BIRC6: variants seen among roughly 807,000 people sequenced by gnomAD.
BIRC6 encodes baculoviral IAP repeat containing 6, also known as dual E2 ubiquitin-conjugating enzyme/E3 ubiquitin-protein ligase BIRC6.
BIRC6 carries 98 observed loss-of-function variants against 503.3 expected under a neutral mutation model. The observed-to-expected ratio is 0.19, with a 90% CI of 0.17 to 0.23. The LOEUF (loss-of-function observed/expected upper bound fraction) is 0.23, where lower values mean the gene tolerates loss of function less well. Ranked by LOEUF, BIRC6 falls within the 10% of genes least tolerant of loss-of-function variation. The pLI is 1.00. For missense variants in BIRC6, 5,360 were observed against 5,806.0 expected (o/e 0.92, Z 2.50); for synonymous variants, 2,240 against 2,078.7 (o/e 1.08, Z -2.11).
Position 32,501,813 on chromosome 2 carries a change from T to C in BIRC6, c.9132T>C (p.Ser3044=), listed in dbSNP as rs762702352. The change falls in exon 47 of 74, where the codon AGT becomes AGC. Residue 3044 remains serine (S), a synonymous_variant. Coordinates refer to ENST00000421745, the MANE Select transcript of BIRC6 (RefSeq NM_016252.4). ...TATTTACCATACTGACAACCCTTAG[T>C]AAAAAAGCTTCTACAGTCCACATGA... ...DGLFTILTTL[S]KKASTVHMML... The C allele has an allele frequency of 3.1e-6, 5 of 1,613,754 alleles. No homozygotes were observed. In the Admixed American group the frequency reaches 6.7e-5, roughly 22 times the overall value.
At chr2:32,540,625 C>G (rs956397499) in intron 61 of BIRC6, among the ~76,000 whole-genome samples, 6 of 151,722 alleles carry the variant, frequency 4.0e-5, no homozygotes, top group African/African-American at 1.2e-4. Flanking sequence ...ATATTAATAC[C>G]CTAAAACAGT....
At chr2:32,556,382 A>G (rs1291218696) in intron 65 of BIRC6, among the ~76,000 whole-genome samples, 1 of 152,150 alleles carries the variant, frequency 6.6e-6, no homozygotes, top group Non-Finnish European at 1.5e-5. Context: ...ATTCTTGACT[A>G]CCCAGCGTAG....
chr2:32,475,892 CATTT>C (rs1453975506), intron 33 of BIRC6, among the ~76,000 whole-genome samples: 6 of 151,876 alleles, frequency 4.0e-5, no homozygotes, highest in South Asian at 2.1e-4. Flanking sequence ...ATATTTTTCT[CATTT>C]ATTTAATTAA....
intron 61 of BIRC6, among the ~76,000 whole-genome samples, chr2:32,542,581 C>T (rs911468382): frequency 6.6e-6 from 1 of 152,134 alleles, no homozygotes; most frequent in African/African-American, 2.4e-5. Flanking sequence ...AGAAAGTTCT[C>T]CTTTTCTTAA....
At chr2:32,392,701 C>A (rs2039389120) in intron 5 of BIRC6, among the ~76,000 whole-genome samples, 1 of 152,138 alleles carries the variant, frequency 6.6e-6, no homozygotes, top group Non-Finnish European at 1.5e-5. Context: ...CCACTCACTT[C>A]AGTCTCAACC....
chr2:32,398,025 A>AT (rs2040165665), intron 6 of BIRC6, among the ~76,000 whole-genome samples: 2 of 152,180 alleles, frequency 1.3e-5, no homozygotes, highest in African/African-American at 4.8e-5. Context: ...AAGAGGATTG[A>AT]TGGAGGCTGG....
chr2:32,499,682 C>T lies in BIRC6; in HGVS notation c.8604C>T (p.His2868=). 4 of 1,613,890 alleles carry T rather than the reference C, an allele frequency of 2.5e-6. No individual in the cohort carries two copies. Among genetic ancestry groups the T allele is most frequent in the Non-Finnish European group, 3.4e-6 (4 of 1,179,864 alleles). ...TAGAATCGGTTACATTTTTAGTGCA[C>T]CACTATATCACTTGCTCAGACAAAG... ...AVIESVTFLV[H]HYITCSDKVM... is the part of the protein sequence containing the mutation. Residue 2868 remains histidine, a synonymous_variant, in exon 46 of 74, where the codon CAC becomes CAT. Transcript: ENST00000421745.
intron 21 of BIRC6, 26 bp downstream of exon 21, chr2:32,445,694 T>C (rs1336672412): frequency 6.9e-7 from 1 of 1,444,912 alleles, no homozygotes; most frequent in Admixed American, 2.5e-5. Context: ...TAATGACTAA[T>C]AATAGGCGTC....
At chr2:32,438,717 G>A (rs767404714) in intron 15 of BIRC6, among the ~76,000 whole-genome samples, 23 of 151,308 alleles carry the variant, frequency 1.5e-4, no homozygotes, top group Non-Finnish European at 3.1e-4. Flanking sequence ...CCGCCACCAC[G>A]CCCCACTAAT....
chr2:32,556,843 G>T (rs1232517660), intron 65 of BIRC6, among the ~76,000 whole-genome samples: 2 of 152,056 alleles, frequency 1.3e-5, no homozygotes, highest in Admixed American at 6.6e-5. Context: ...GGAGGTTGAG[G>T]CACAAGAATT....
chr2:32,421,199 C>G (rs2042925191), intron 10 of BIRC6, among the ~76,000 whole-genome samples: 1 of 151,200 alleles, frequency 6.6e-6, no homozygotes, highest in Non-Finnish European at 1.5e-5. Context: ...CTCTGCCTCC[C>G]AGGTTCAAGT....
intron 1 of BIRC6, among the ~76,000 whole-genome samples, chr2:32,365,307 T>G (rs552460125): frequency 6.7e-6 from 1 of 149,134 alleles, no homozygotes; most frequent in Admixed American, 6.9e-5. Context: ...TGACTCACCA[T>G]AAACAGTCAA....
At chr2:32,493,988 A>G (rs1234955915) in intron 45 of BIRC6, among the ~76,000 whole-genome samples, 1 of 152,198 alleles carries the variant, frequency 6.6e-6, no homozygotes. Flanking sequence ...CTCTAAAGCT[A>G]CCAGTGATTT....
intron 61 of BIRC6, among the ~76,000 whole-genome samples, chr2:32,537,823 G>T (rs576727013): frequency 6.6e-6 from 1 of 151,904 alleles, no homozygotes; most frequent in African/African-American, 2.4e-5. Flanking sequence ...AAAATTAGCC[G>T]GGCGGGGTGG....
At chr2:32,412,628 TACA>T (rs2042010567) in intron 9 of BIRC6, among the ~76,000 whole-genome samples, 1 of 152,258 alleles carries the variant, frequency 6.6e-6, no homozygotes, top group East Asian at 1.9e-4. Context: ...ATAAAGATGA[TACA>T]GTTTTGGAAC....
At chr2:32,602,936 C>A in intron 70 of BIRC6, 70 bp from the exon 71 acceptor site, 1 of 1,328,382 alleles carries the variant, frequency 7.5e-7, no homozygotes, top group Non-Finnish European at 1.0e-6. Context: ...TTTGTTTTTA[C>A]TTCTCGTTAT....
At position 32,516,695 on chromosome 2, in the gene BIRC6, TTATC is replaced by T. The variant is rs376703432; in HGVS notation, c.11349+926_11349+929del. 6.6e-5 allele frequency among the ~76,000 whole-genome samples: 10 copies of T among 152,118 alleles called. No individual in the cohort carries two copies. The East Asian group carries it at 1.7e-3, about 26-fold the overall frequency. ...TATTATGATAATCATAATTTATTAT[TTATC>T]ATAATAAATTAAATCCTGAAAGGTA... On this transcript the variant is annotated intron_variant, in intron 55 of 73. Transcript: ENST00000421745.
At chr2:32,494,530 A>C (rs1180980247) in intron 45 of BIRC6, among the ~76,000 whole-genome samples, 2 of 151,880 alleles carry the variant, frequency 1.3e-5, no homozygotes, top group Non-Finnish European at 2.9e-5. Context: ...CTGGCCGAAA[A>C]GTTTTAATGA....
chr2:32,380,354 A>C (rs550137638), intron 3 of BIRC6, 64 bp downstream of exon 3: 4 of 1,480,078 alleles, frequency 2.7e-6, no homozygotes, highest in Admixed American at 5.2e-5. Context: ...ATTCTTTTGC[A>C]CTTTCCTTTC....
Sources: gnomAD v4.1 joint callset for allele counts (sites outside exome capture counted in the v4.1 genomes callset) on GRCh38, gnomAD v4.1.1 for gene constraint, MANE v1.5 for transcripts, NCBI Gene and HGNC (gene_info 2026-07-23, HGNC 2026-07-21) for gene names.